Variants in STXBP5L observed in about 807,000 individuals in gnomAD.
STXBP5L encodes syntaxin-binding protein 5-like.
In STXBP5L, 65 loss-of-function variants were observed where a neutral mutation model predicts 144.5. The ratio of observed to expected loss-of-function variants is 0.45; its 90% confidence interval spans 0.37 to 0.55. The LOEUF (loss-of-function observed/expected upper bound fraction) is 0.55. Ranked by LOEUF, STXBP5L falls within the 20% of genes least tolerant of loss-of-function variation. STXBP5L has a pLI of 0.00. For synonymous variants in STXBP5L, 505 were observed against 469.6 expected (o/e 1.08, Z -0.97); for missense variants, 1,298 against 1,405.5 (o/e 0.92, Z 1.22).
intron 5 of STXBP5L, among the ~76,000 whole-genome samples, chr3:121,092,538 G>A (rs941155267): frequency 6.6e-6 from 1 of 152,154 alleles, no homozygotes; most frequent in Admixed American, 6.6e-5. Flanking sequence ...AAGCAATTGG[G>A]AATGGGAGTT....
chr3:121,065,283 T>TTG (rs747355652), intron 5 of STXBP5L, among the ~76,000 whole-genome samples: 13 of 152,204 alleles, frequency 8.5e-5, no homozygotes, highest in Non-Finnish European at 1.3e-4. Flanking sequence ...GGTCAAATGT[T>TTG]TGCTCTGCTT....
Position 120,954,776 on chromosome 3 carries a change from C to T in STXBP5L, c.190-164C>T, listed in dbSNP as rs1454166989. On this transcript the variant is annotated intron_variant, in intron 2 of 26. Coordinates refer to ENST00000471454, the MANE Select transcript of STXBP5L (RefSeq NM_001308330.2). ...TTGTATCATTTTACACTCCCATCAG[C>T]AATGTATGAGTTTAGGTTACTCCAT... 3.3e-5 allele frequency among the ~76,000 whole-genome samples: 5 copies of T among 151,784 alleles called. No individual in the cohort carries two copies. In the East Asian group the frequency reaches 9.7e-4, roughly 29 times the overall value.
chr3:121,397,897 C>G (rs1023878191), intron 22 of STXBP5L, among the ~76,000 whole-genome samples: 1 of 152,236 alleles, frequency 6.6e-6, no homozygotes, highest in Admixed American at 6.5e-5. Flanking sequence ...ATTGGCCACG[C>G]AGACAGCCAG....
chr3:121,054,311 A>G (rs548409214), intron 5 of STXBP5L, among the ~76,000 whole-genome samples: 1 of 152,202 alleles, frequency 6.6e-6, no homozygotes, highest in African/African-American at 2.4e-5. Flanking sequence ...TTGTGGCACT[A>G]TTCACAATAG....
chr3:121,335,178 G>A (rs971262586), intron 20 of STXBP5L, among the ~76,000 whole-genome samples: 6 of 151,996 alleles, frequency 3.9e-5, no homozygotes, highest in African/African-American at 2.4e-5. Context: ...CAAACCAACA[G>A]CCAAATCAAA....
chr3:121,026,720 GA>G (rs1218776299), intron 3 of STXBP5L, among the ~76,000 whole-genome samples: 2 of 151,872 alleles, frequency 1.3e-5, no homozygotes, highest in Non-Finnish European at 2.9e-5. Context: ...AGGAATAAGA[GA>G]AAAGAGTAAC....
chr3:121,031,854 A>G (rs1403412075), intron 3 of STXBP5L, among the ~76,000 whole-genome samples: 1 of 152,106 alleles, frequency 6.6e-6, no homozygotes, highest in African/African-American at 2.4e-5. Context: ...AGAATTGACT[A>G]ACATAATATG....
At chr3:120,993,395 A>G (rs1227039799) in intron 3 of STXBP5L, among the ~76,000 whole-genome samples, 2 of 151,914 alleles carry the variant, frequency 1.3e-5, no homozygotes, top group Admixed American at 6.6e-5. Context: ...TATACCATGT[A>G]CTGCAGTGTT....
At chr3:121,109,121 T>A (rs1375079885) in intron 5 of STXBP5L, among the ~76,000 whole-genome samples, 1 of 152,188 alleles carries the variant, frequency 6.6e-6, no homozygotes, top group Admixed American at 6.5e-5. Flanking sequence ...ATTGTATCAA[T>A]TTGATTCTTC....
At chr3:121,309,115 A>G (rs950273060) in intron 19 of STXBP5L, among the ~76,000 whole-genome samples, 5 of 152,110 alleles carry the variant, frequency 3.3e-5, no homozygotes, top group African/African-American at 1.2e-4. Flanking sequence ...CATGAGACAG[A>G]GAAAACCAAA....
chr3:121,270,552 A>T (rs2050706012), intron 18 of STXBP5L, among the ~76,000 whole-genome samples: 1 of 152,028 alleles, frequency 6.6e-6, no homozygotes, highest in South Asian at 2.1e-4. Context: ...TCCTGGGTTC[A>T]GGCAATTCTC....
At chr3:121,075,601 A>G (rs113085769) in intron 5 of STXBP5L, among the ~76,000 whole-genome samples, 2,939 of 152,332 alleles carry the variant, frequency 0.019, 88 homozygotes, top group African/African-American at 0.066. Context: ...GATTACCTGC[A>G]GCCTCTGTGT....
intron 9 of STXBP5L, among the ~76,000 whole-genome samples, chr3:121,195,785 G>A (rs147932943): frequency 6.6e-6 from 1 of 152,246 alleles, no homozygotes; most frequent in African/African-American, 2.4e-5. Context: ...AATCCCTAAT[G>A]ATGCCATTAG....
chr3:121,352,591 A>G (rs1402794266), intron 20 of STXBP5L, among the ~76,000 whole-genome samples: 2 of 152,088 alleles, frequency 1.3e-5, no homozygotes, highest in Non-Finnish European at 2.9e-5. Context: ...GGCTGAGACA[A>G]TGGGGTTTTC....
At chr3:121,411,190 C>CCACG (rs1390251120) in intron 23 of STXBP5L, among the ~76,000 whole-genome samples, 1 of 152,056 alleles carries the variant, frequency 6.6e-6, no homozygotes, top group Non-Finnish European at 1.5e-5. Context: ...TTCAGACGAG[C>CCACG]CACGTATCAA....
intron 20 of STXBP5L, among the ~76,000 whole-genome samples, chr3:121,325,216 T>C (rs2044106394): frequency 6.6e-6 from 1 of 152,026 alleles, no homozygotes; most frequent in Non-Finnish European, 1.5e-5. Context: ...GTGGCCAGTT[T>C]TACAACTCCA....
intron 22 of STXBP5L, among the ~76,000 whole-genome samples, chr3:121,400,521 T>G (rs111796949): frequency 1.3e-5 from 2 of 152,288 alleles, no homozygotes; most frequent in African/African-American, 4.8e-5. Context: ...TCACCCCTCT[T>G]CTATGGTTTG....
Position 121,255,095 on chromosome 3 carries a change from A to T in STXBP5L, c.1642A>T (p.Ile548Phe). ...VIIYKFSRHE[I>F]TTEIVSLEVR... ...AATTTATAAATTCAGCAGACATGAAATTACAACAGAAATAGTGGTAAGTTA... is the reference window on the plus strand; with the variant it reads ...AATTTATAAATTCAGCAGACATGAATTTACAACAGAAATAGTGGTAAGTTA... The change falls in exon 16 of 27, where the codon ATT becomes TTT. Residue 548 changes from isoleucine (I) to phenylalanine (F), a missense_variant. Ile to Phe is a conservative substitution (Grantham distance 21). Transcript: ENST00000471454. 1.9e-6 allele frequency: 3 copies of T among 1,591,792 alleles called. No homozygotes were observed. Among genetic ancestry groups the T allele is most frequent in the Non-Finnish European group, 2.6e-6 (3 of 1,170,524 alleles).
intron 11 of STXBP5L, among the ~76,000 whole-genome samples, chr3:121,229,368 A>G (rs1432456558): frequency 6.6e-6 from 1 of 152,118 alleles, no homozygotes; most frequent in Non-Finnish European, 1.5e-5. Context: ...TCTCAATAAA[A>G]GACATTTTTT....
Sources: gnomAD v4.1 joint callset for allele counts (sites outside exome capture counted in the v4.1 genomes callset) on GRCh38, gnomAD v4.1.1 for gene constraint, MANE v1.5 for transcripts, NCBI Gene and HGNC (gene_info 2026-07-23, HGNC 2026-07-21) for gene names.